ADAM22: variants seen among roughly 807,000 people sequenced by gnomAD.
The protein encoded by ADAM22 is disintegrin and metalloproteinase domain-containing protein 22.
In ADAM22, 65 loss-of-function variants were observed where a neutral mutation model predicts 144.6. That is an observed-to-expected ratio of 0.45 (90% confidence interval 0.37 to 0.55). ADAM22 has a LOEUF of 0.55. ADAM22 is among the 20% of genes least tolerant of loss of function. The pLI, the probability that ADAM22 is intolerant of heterozygous loss-of-function variation, is 0.00. For missense variants in ADAM22, 974 were observed against 1,184.9 expected, an observed-to-expected ratio of 0.82 and a Z score of 2.61; for synonymous variants, 391 against 412.6, an observed-to-expected ratio of 0.95 and a Z score of 0.63.
intron 30 of ADAM22, among the ~76,000 whole-genome samples, chr7:88,191,963 G>A: frequency 6.6e-6 from 1 of 152,142 alleles, no homozygotes; most frequent in Non-Finnish European, 1.5e-5. Flanking sequence ...TGAAAACTAT[G>A]GCAGAACCAG....
chr7:88,000,214 T>A (rs1371518831), intron 3 of ADAM22, among the ~76,000 whole-genome samples: 1 of 152,196 alleles, frequency 6.6e-6, no homozygotes. Flanking sequence ...CCTGCTGTTT[T>A]ATGTTTAAAC....
intron 3 of ADAM22, among the ~76,000 whole-genome samples, chr7:88,010,266 G>A (rs1262107792): frequency 6.6e-6 from 1 of 151,986 alleles, no homozygotes; most frequent in East Asian, 1.9e-4. Flanking sequence ...AATTATCACA[G>A]GTTTTTCATC....
chr7:88,049,429 A>C (rs1012645455), intron 3 of ADAM22, among the ~76,000 whole-genome samples: 1 of 149,906 alleles, frequency 6.7e-6, no homozygotes, highest in Non-Finnish European at 1.5e-5. Flanking sequence ...TCACTCTTTT[A>C]CTCTTGTTGC....
chr7:87,973,993 C>T (rs370332168), intron 2 of ADAM22, among the ~76,000 whole-genome samples: 16 of 151,276 alleles, frequency 1.1e-4, no homozygotes, highest in African/African-American at 2.2e-4. Context: ...TGCTAAATGA[C>T]GAGTTAATGG....
chr7:88,113,738 A>ATATATATG (rs1167393529), intron 5 of ADAM22, among the ~76,000 whole-genome samples: 3 of 130,844 alleles, frequency 2.3e-5, no homozygotes, highest in African/African-American at 8.7e-5. Context: ...ATATATATAT[A>ATATATATG]TAGTAAGTCC....
intron 29 of ADAM22, among the ~76,000 whole-genome samples, chr7:88,184,086 AC>A (rs1422208913): frequency 6.6e-6 from 1 of 152,064 alleles, no homozygotes; most frequent in Non-Finnish European, 1.5e-5. Context: ...TCCCTTTAGT[AC>A]CTCATTATTC....
intron 26 of ADAM22, among the ~76,000 whole-genome samples, chr7:88,175,145 A>T (rs1286207626): frequency 6.6e-6 from 1 of 152,130 alleles, no homozygotes; most frequent in Non-Finnish European, 1.5e-5. Flanking sequence ...GAAAGATTAG[A>T]CTTCTCTCAT....
At chr7:88,104,778 T>A (rs1376937145) in intron 4 of ADAM22, among the ~76,000 whole-genome samples, 3 of 151,908 alleles carry the variant, frequency 2.0e-5, no homozygotes, top group Non-Finnish European at 4.4e-5. Context: ...AAGATTTGAA[T>A]TGTAGTAATG....
Position 88,199,273 on chromosome 7 carries a change from A to G in ADAM22, c.*2782A>G, listed in dbSNP as rs1850976233. ...ACAAAATCATTGCTAAGCAGAAGAG[A>G]GCAGTTATTTGGCCTTTATGTTCCA... On this transcript the variant is annotated 3_prime_UTR_variant, in exon 32 of 32. Coordinates refer to ENST00000413139, the MANE Select transcript of ADAM22 (RefSeq NM_001324418.2). 6.6e-6 allele frequency: 1 copy of G among 152,164 alleles called. No individual in the cohort carries two copies. Among genetic ancestry groups the G allele is most frequent in the Non-Finnish European group, 1.5e-5 (1 of 68,020 alleles). The allele number at this position is 152,164 out of a possible 1,614,324, so 9.4% of individuals were successfully genotyped here.
Position 88,019,857 on chromosome 7 carries a change from A to ATGTGTGTGTG in ADAM22, c.323+41483_323+41492dup, listed in dbSNP as rs35909431. Among the ~76,000 whole-genome samples, 26 of 139,052 alleles carry ATGTGTGTGTG rather than the reference A, an allele frequency of 1.9e-4. No homozygotes were observed. The East Asian group carries it at 1.9e-3, about 10-fold the overall frequency. The allele number at this position is 139,052 out of a possible 152,430, so 91.2% of individuals were successfully genotyped here. ...AGAGCGTGACTCTATCTCAAAAAATATGTGTGTGTGTGTGTGTGTGTGTGT... is the reference window on the plus strand; with the variant it reads ...AGAGCGTGACTCTATCTCAAAAAATATGTGTGTGTGTGTGTGTGTGTGTGTGTGTGTGTGT... On this transcript the variant is annotated intron_variant, in intron 3 of 31. Transcript: ENST00000413139.
chr7:88,027,911 C>T (rs987975291), intron 3 of ADAM22, among the ~76,000 whole-genome samples: 5 of 151,956 alleles, frequency 3.3e-5, no homozygotes, highest in African/African-American at 1.2e-4. Flanking sequence ...CTGCCTTGGC[C>T]TTCTGAGTAG....
At chr7:88,069,780 A>T (rs1374750015) in intron 3 of ADAM22, among the ~76,000 whole-genome samples, 1 of 152,168 alleles carries the variant, frequency 6.6e-6, no homozygotes, top group Non-Finnish European at 1.5e-5. Context: ...TACAGGGTGG[A>T]TAGGGGCAGG....
At chr7:87,983,299 TCA>T (rs993820890) in intron 3 of ADAM22, among the ~76,000 whole-genome samples, 1 of 152,120 alleles carries the variant, frequency 6.6e-6, no homozygotes, top group African/African-American at 2.4e-5. Flanking sequence ...CCATCCAACA[TCA>T]CAGTGTATTT....
chr7:87,958,350 A>G (rs759747611), intron 2 of ADAM22, among the ~76,000 whole-genome samples: 25 of 151,820 alleles, frequency 1.6e-4, no homozygotes, highest in Admixed American at 6.6e-5. Context: ...ATTATCTGGA[A>G]CCATAAGACT....
At position 88,134,367 on chromosome 7, in the gene ADAM22, G is replaced by A. The variant is rs1249243429; in HGVS notation, c.1116G>A (p.Gln372=). The change falls in exon 13 of 32, where the codon CAG becomes CAA. Residue 372 remains glutamine (Q), a synonymous_variant. Coordinates refer to ENST00000413139, the MANE Select transcript of ADAM22 (RefSeq NM_001324418.2). Reference sequence around the variant, plus strand: ...ATTTAATGGCTGTTACACTTGCCCAGTCATTAGCCCATAATATTGGTATTA... The same window carrying A: ...ATTTAATGGCTGTTACACTTGCCCAATCATTAGCCCATAATATTGGTATTA... The part of the protein sequence containing the change: ...KTDLMAVTLA[Q]SLAHNIGIIS... 1.9e-6 allele frequency: 3 copies of A among 1,610,220 alleles called. No homozygotes were observed. The highest frequency in any genetic ancestry group is 2.5e-6 in the Non-Finnish European group (3 of 1,178,788).
intron 20 of ADAM22, among the ~76,000 whole-genome samples, chr7:88,151,973 C>T (rs1563336312): frequency 6.6e-6 from 1 of 152,044 alleles, no homozygotes; most frequent in Admixed American, 6.5e-5. Flanking sequence ...CTAGCCCAAA[C>T]TTTTGGAAGC....
intron 3 of ADAM22, among the ~76,000 whole-genome samples, chr7:88,044,907 TAG>T (rs1804174715): frequency 6.6e-6 from 1 of 151,110 alleles, no homozygotes; most frequent in Admixed American, 6.6e-5. Context: ...GTATTTTTAG[TAG>T]AGACGGGGTT....
At position 88,131,411 on chromosome 7, in the gene ADAM22, A is replaced by G; in HGVS notation, c.968A>G (p.Lys323Arg). 1 of 1,613,814 alleles carries G rather than the reference A, an allele frequency of 6.2e-7. No homozygotes were observed. Among genetic ancestry groups the G allele is most frequent in the East Asian group, 2.2e-5 (1 of 44,844 alleles). ...TACAGGAGGGATTTTATCAAAGAGA[A>G]AAGTGATGCAGTTCACCTTTTTTCG... ...MKYRRDFIKE[K>R]SDAVHLFSGS... The change falls in exon 11 of 32, where the codon AAA (lysine) becomes AGA (arginine). Residue 323 changes from lysine to arginine, a missense_variant. Coordinates refer to ENST00000413139, the MANE Select transcript of ADAM22 (RefSeq NM_001324418.2).
intron 2 of ADAM22, among the ~76,000 whole-genome samples, chr7:87,973,760 G>A (rs1011685295): frequency 1.3e-5 from 2 of 152,118 alleles, no homozygotes; most frequent in East Asian, 1.9e-4. Flanking sequence ...ATGCAGCCAT[G>A]AAAAATGATG....
Sources: allele counts gnomAD v4.1 joint callset (sites outside exome capture counted in the v4.1 genomes callset), GRCh38; gene constraint gnomAD v4.1.1; transcripts MANE v1.5; gene names NCBI Gene and HGNC (gene_info 2026-07-23, HGNC 2026-07-21).